The following GALNT13 variants were observed in gnomAD, a reference collection of about 807,000 sequenced individuals.
GALNT13 encodes UDP-GalNAc:polypeptide N-acetylgalactosaminyltransferase 13.
A neutral mutation model predicts 64.2 loss-of-function variants in GALNT13; 28 were observed. The observed-to-expected ratio is 0.44, with a 90% CI of 0.32 to 0.60. The LOEUF is 0.60. Among genes scored for constraint, GALNT13 ranks in the 20% least tolerant of loss-of-function variants. The probability of loss-of-function intolerance (pLI) is 0.05; values close to 1 mark genes in which losing one functional copy is unlikely to be tolerated. For synonymous variants in GALNT13, 214 were observed against 224.6 expected, an observed-to-expected ratio of 0.95 and a Z score of 0.42; for missense variants, 577 against 669.8, an observed-to-expected ratio of 0.86 and a Z score of 1.53.
the GALNT13 span, among the ~76,000 whole-genome samples, chr2:153,186,712 G>A: frequency 6.6e-6 from 1 of 151,988 alleles, no homozygotes; most frequent in Non-Finnish European, 1.5e-5. Context: ...GAGTACAGGT[G>A]TCTGCAACCA....
intron 3 of GALNT13, among the ~76,000 whole-genome samples, chr2:154,081,038 G>A (rs1218829980): frequency 1.3e-5 from 2 of 151,468 alleles, no homozygotes; most frequent in Non-Finnish European, 3.0e-5. Context: ...GTGCATCCAA[G>A]ATTCCTTTAT....
intron 9 of GALNT13, among the ~76,000 whole-genome samples, chr2:154,388,353 C>T (rs1385276856): frequency 6.6e-6 from 1 of 152,110 alleles, no homozygotes; most frequent in Non-Finnish European, 1.5e-5. Context: ...TTTCTCTTCA[C>T]TTTGTTAATT....
chr2:154,259,687 G>A (rs536447115), intron 8 of GALNT13, among the ~76,000 whole-genome samples: 4 of 152,180 alleles, frequency 2.6e-5, no homozygotes, highest in Admixed American at 6.5e-5. Context: ...AAGTCCTTAC[G>A]AATATGTTAT....
intron 4 of GALNT13, among the ~76,000 whole-genome samples, chr2:154,170,854 A>G (rs1222900377): frequency 2.0e-5 from 3 of 152,200 alleles, no homozygotes; most frequent in African/African-American, 7.2e-5. Flanking sequence ...TGCCAATAAT[A>G]AAAAGAAAGA....
chr2:153,468,754 T>C, the GALNT13 span, among the ~76,000 whole-genome samples: 1 of 152,188 alleles, frequency 6.6e-6, no homozygotes, highest in African/African-American at 2.4e-5. Context: ...ATCTTAAATA[T>C]TTACTTTTTA....
intron 3 of GALNT13, among the ~76,000 whole-genome samples, chr2:154,100,508 A>T (rs1244665664): frequency 1.3e-5 from 2 of 152,046 alleles, no homozygotes; most frequent in Admixed American, 6.6e-5. Context: ...TGGTAGCTTG[A>T]ATGTTATTAG....
chr2:154,116,681 A>G (rs955499499), intron 3 of GALNT13, among the ~76,000 whole-genome samples: 2 of 152,158 alleles, frequency 1.3e-5, no homozygotes, highest in Admixed American at 1.3e-4. Flanking sequence ...ATAACTCTCC[A>G]AACAGTTTAC....
the GALNT13 span, among the ~76,000 whole-genome samples, chr2:153,688,608 C>T: frequency 1.1e-4 from 16 of 151,828 alleles, no homozygotes; most frequent in African/African-American, 2.7e-4. Context: ...TCATTATCAC[C>T]CAAAGGTAGG....
At chr2:154,047,951 A>G (rs528722334) in intron 3 of GALNT13, among the ~76,000 whole-genome samples, 25 of 152,256 alleles carry the variant, frequency 1.6e-4, no homozygotes, top group African/African-American at 5.3e-4. Flanking sequence ...GTATTCATCC[A>G]TTTTCACATT....
the GALNT13 span, among the ~76,000 whole-genome samples, chr2:153,616,781 C>A: frequency 2.6e-5 from 4 of 151,886 alleles, no homozygotes; most frequent in African/African-American, 7.2e-5. Flanking sequence ...TGATGTTCTG[C>A]AGTATGAATG....
the GALNT13 span, among the ~76,000 whole-genome samples, chr2:153,561,533 T>A: frequency 6.6e-6 from 1 of 152,044 alleles, no homozygotes; most frequent in African/African-American, 2.4e-5. Flanking sequence ...TCACATGAGG[T>A]CAGGTGTGGA....
the GALNT13 span, among the ~76,000 whole-genome samples, chr2:153,196,759 C>T: frequency 6.6e-6 from 1 of 152,032 alleles, no homozygotes; most frequent in African/African-American, 2.4e-5. Flanking sequence ...CTGTGGCAGC[C>T]CCCAGGGTGG....
At chr2:153,670,431 A>G in the GALNT13 span, among the ~76,000 whole-genome samples, 9 of 152,326 alleles carry the variant, frequency 5.9e-5, no homozygotes, top group African/African-American at 2.2e-4. Context: ...ACCTCCAGCA[A>G]ACTCCAACAG....
At chr2:153,831,454 T>C in the GALNT13 span, among the ~76,000 whole-genome samples, 1 of 152,156 alleles carries the variant, frequency 6.6e-6, no homozygotes, top group African/African-American at 2.4e-5. Context: ...CCCATGAGTA[T>C]CTTCCTAGAA....
chr2:154,316,077 G>C (rs1694303720), intron 9 of GALNT13, among the ~76,000 whole-genome samples: 1 of 151,944 alleles, frequency 6.6e-6, no homozygotes, highest in African/African-American at 2.4e-5. Context: ...GACAGAGTGA[G>C]ATTCAGTCTC....
the GALNT13 span, among the ~76,000 whole-genome samples, chr2:153,679,677 C>A: frequency 6.6e-6 from 1 of 151,880 alleles, no homozygotes; most frequent in Admixed American, 6.6e-5. Context: ...AAATCTTCCA[C>A]CAATCTTCCA....
At chr2:153,111,260 C>T in the GALNT13 span, among the ~76,000 whole-genome samples, 1 of 151,962 alleles carries the variant, frequency 6.6e-6, no homozygotes, top group South Asian at 2.1e-4. Context: ...CTTAGAAATT[C>T]CTTTGATAAC....
chr2:154,012,033 A>G lies in GALNT13; in HGVS notation c.142+67394A>G, dbSNP rs1418394379. Among the ~76,000 whole-genome samples, 7 of 152,016 alleles carry G rather than the reference A, an allele frequency of 4.6e-5. No homozygotes were observed. In the East Asian group the frequency reaches 1.4e-3, roughly 29 times the overall value. ...TTTTTATCCAACTTGCTGCCACTTT[A>G]TGCCTTTTAATTGGGGCATTTACCC... On this transcript the variant is annotated intron_variant, in intron 3 of 12. Coordinates refer to ENST00000392825, the MANE Select transcript of GALNT13 (RefSeq NM_052917.4).
intron 6 of GALNT13, 34 bp downstream of exon 6, chr2:154,242,939 T>G: frequency 1.3e-6 from 2 of 1,540,538 alleles, no homozygotes; most frequent in Non-Finnish European, 1.8e-6. Flanking sequence ...GCCTGGGTTA[T>G]GACTGAACCT....
Sources: allele counts gnomAD v4.1 joint callset (sites outside exome capture counted in the v4.1 genomes callset), GRCh38; gene constraint gnomAD v4.1.1; transcripts MANE v1.5; gene names NCBI Gene and HGNC (gene_info 2026-07-23, HGNC 2026-07-21).